The following PTPRT variants were observed in gnomAD, a reference collection of about 807,000 sequenced individuals.
PTPRT encodes the protein protein tyrosine phosphatase receptor type T.
In PTPRT, 56 loss-of-function variants were observed where a neutral mutation model predicts 176.8. That is an observed-to-expected ratio of 0.32 (90% CI 0.26 to 0.40). The LOEUF is 0.40. Among genes scored for constraint, PTPRT ranks in the 10% least tolerant of loss-of-function variants. The pLI is 1.00. For missense variants in PTPRT, 1,540 were observed against 1,908.2 expected (o/e 0.81, Z 3.60); for synonymous variants, 783 against 739.0 (o/e 1.06, Z -0.96).
At chr20:42,801,023 C>T (rs1434395465) in intron 2 of PTPRT, among the ~76,000 whole-genome samples, 1 of 152,014 alleles carries the variant, frequency 6.6e-6, no homozygotes, top group Non-Finnish European at 1.5e-5. Flanking sequence ...TTTTTTCTTC[C>T]TGGGGAGAGC....
chr20:43,059,755 G>T (rs1219677849), intron 1 of PTPRT, among the ~76,000 whole-genome samples: 1 of 152,168 alleles, frequency 6.6e-6, no homozygotes, highest in African/African-American at 2.4e-5. Context: ...GAGGTGGGCA[G>T]ATCAACTGAT....
chr20:43,140,078 T>C (rs1354062696), intron 1 of PTPRT, among the ~76,000 whole-genome samples: 1 of 152,224 alleles, frequency 6.6e-6, no homozygotes, highest in African/African-American at 2.4e-5. Context: ...ACAATCAGTT[T>C]CTTGCATTTC....
intron 11 of PTPRT, among the ~76,000 whole-genome samples, chr20:42,337,577 C>G (rs1034032220): frequency 1.3e-5 from 2 of 152,110 alleles, no homozygotes; most frequent in African/African-American, 4.8e-5. Context: ...GTGTATGACC[C>G]ACTCCTTAGG....
chr20:42,254,673 A>G (rs1600733562), intron 13 of PTPRT, among the ~76,000 whole-genome samples: 1 of 152,326 alleles, frequency 6.6e-6, no homozygotes, highest in Non-Finnish European at 1.5e-5. Flanking sequence ...AATGTGGAAG[A>G]GCTAATCAGC....
chr20:42,096,756 ATTTTTTTTTTTTT>A (rs58111170), intron 27 of PTPRT, among the ~76,000 whole-genome samples: 1 of 118,868 alleles, frequency 8.4e-6, no homozygotes, highest in African/African-American at 3.1e-5. Flanking sequence ...GCTAATTAAA[ATTTTTTTTTTTTT>A]TTTTTTTTTT....
intron 1 of PTPRT, among the ~76,000 whole-genome samples, chr20:43,056,966 C>T (rs1027069524): frequency 6.6e-6 from 1 of 151,936 alleles, no homozygotes; most frequent in Non-Finnish European, 1.5e-5. Context: ...ACTATCGATG[C>T]ATGCAACAAC....
chr20:43,090,460 G>A lies in PTPRT; in HGVS notation c.88+99186C>T, dbSNP rs528957939. ...TTTTTTTGTATTTTTAGTAGAGACAGGGTTTCACCGTTTTAGCCAGGATGG... is the reference window on the plus strand; with the variant it reads ...TTTTTTTGTATTTTTAGTAGAGACAAGGTTTCACCGTTTTAGCCAGGATGG... On this transcript the variant is annotated intron_variant, in intron 1 of 30. Coordinates refer to ENST00000373187, the MANE Select transcript of PTPRT (RefSeq NM_007050.6). Among the ~76,000 whole-genome samples the A allele has an allele frequency of 7.2e-3, 1,090 of 152,168 alleles. 5 individuals carry two copies. The highest frequency in any genetic ancestry group is 0.013 in the Non-Finnish European group (865 of 67,994).
chr20:42,305,648 C>T (rs2057536513), intron 12 of PTPRT, among the ~76,000 whole-genome samples: 1 of 142,994 alleles, frequency 7.0e-6, no homozygotes, highest in South Asian at 2.1e-4. Flanking sequence ...TGTGTTTTAG[C>T]AAGTATACCT....
At position 42,578,677 on chromosome 20, in the gene PTPRT, C is replaced by T. The variant is rs932802015; in HGVS notation, c.1153+99189G>A. Reference sequence around the variant, plus strand: ...ATCTTAAAATATATCCAGAATCAAACCATTTCAACCAGCTCTCCCTTTGCA... The same window carrying T: ...ATCTTAAAATATATCCAGAATCAAATCATTTCAACCAGCTCTCCCTTTGCA... On this transcript the variant is annotated intron_variant, in intron 7 of 30. Coordinates refer to ENST00000373187, the MANE Select transcript of PTPRT (RefSeq NM_007050.6). Among the ~76,000 whole-genome samples, 38 of 152,130 alleles carry T rather than the reference C, an allele frequency of 2.5e-4. 1 individual carries two copies. The highest frequency in any genetic ancestry group is 5.9e-5 in the Non-Finnish European group (4 of 68,042).
At chr20:43,169,096 T>A (rs2014929351) in intron 1 of PTPRT, among the ~76,000 whole-genome samples, 1 of 152,146 alleles carries the variant, frequency 6.6e-6, no homozygotes, top group African/African-American at 2.4e-5. Flanking sequence ...AACCCTCAGT[T>A]CTTGTGCAGC....
chr20:42,555,824 C>T (rs554192269), intron 7 of PTPRT, among the ~76,000 whole-genome samples: 1 of 152,296 alleles, frequency 6.6e-6, no homozygotes, highest in South Asian at 2.1e-4. Context: ...CTGGTCCTCC[C>T]ACCTGCTTGT....
At chr20:42,743,832 G>A (rs746752622) in intron 6 of PTPRT, among the ~76,000 whole-genome samples, 12 of 152,230 alleles carry the variant, frequency 7.9e-5, no homozygotes, top group Non-Finnish European at 1.8e-4. Flanking sequence ...TTCGGCATCT[G>A]CTTCCTGAGA....
At chr20:42,779,639 T>A (rs755902819) in intron 4 of PTPRT, among the ~76,000 whole-genome samples, 1 of 152,124 alleles carries the variant, frequency 6.6e-6, no homozygotes, top group Non-Finnish European at 1.5e-5. Context: ...AGACTAAATA[T>A]GGCAAAGAAG....
intron 7 of PTPRT, 148 bp from the exon 8 acceptor site, chr20:42,472,710 T>TA: frequency 1.3e-6 from 1 of 781,848 alleles, no homozygotes; most frequent in Non-Finnish European, 2.0e-6. Context: ...ACAGGCAATA[T>TA]AATTTAGAGA....
rs79513459 is a variant in PTPRT, at chr20:42,762,992, A to T, written c.685-6356T>A. On this transcript the variant is annotated intron_variant, in intron 5 of 30. Coordinates refer to ENST00000373187, the MANE Select transcript of PTPRT (RefSeq NM_007050.6). Reference sequence around the variant, plus strand: ...TTTGAGAGCACACACTCATTGGAAGAACAGGAGCTGTAATAGCTACACTTT... The same window carrying T: ...TTTGAGAGCACACACTCATTGGAAGTACAGGAGCTGTAATAGCTACACTTT... Among the ~76,000 whole-genome samples the T allele has an allele frequency of 7.5e-3, 1,138 of 152,318 alleles. 10 individuals carry two copies. Among genetic ancestry groups the T allele is most frequent in the Non-Finnish European group, 0.011 (737 of 68,016 alleles).
At chr20:42,753,352 T>C (rs538083461) in intron 6 of PTPRT, among the ~76,000 whole-genome samples, 2 of 152,326 alleles carry the variant, frequency 1.3e-5, no homozygotes, top group East Asian at 3.9e-4. Context: ...GTAACATATG[T>C]TGAAGGGACT....
chr20:43,005,457 G>A (rs962930746), intron 1 of PTPRT, among the ~76,000 whole-genome samples: 1 of 152,044 alleles, frequency 6.6e-6, no homozygotes, highest in Non-Finnish European at 1.5e-5. Flanking sequence ...TGTCCTTCAA[G>A]TTTCAGCCTA....
chr20:42,718,628 A>G (rs2076261751), intron 6 of PTPRT, among the ~76,000 whole-genome samples: 2 of 152,214 alleles, frequency 1.3e-5, no homozygotes, highest in South Asian at 4.1e-4. Flanking sequence ...GCCAAAAAAT[A>G]TATAATTTAT....
chr20:42,337,395 C>T (rs2058055356), intron 11 of PTPRT, among the ~76,000 whole-genome samples: 1 of 152,192 alleles, frequency 6.6e-6, no homozygotes. Flanking sequence ...AGCAAGCCAT[C>T]TTCTCAGGAT....
Sources: gnomAD v4.1 joint callset for allele counts (sites outside exome capture counted in the v4.1 genomes callset) on GRCh38, gnomAD v4.1.1 for gene constraint, MANE v1.5 for transcripts, NCBI Gene and HGNC (gene_info 2026-07-23, HGNC 2026-07-21) for gene names.